RPP14: variants seen among roughly 807,000 people sequenced by gnomAD.
RPP14 encodes ribonuclease P protein subunit p14.
Under a neutral mutation model 17.8 loss-of-function variants are expected in RPP14, and 19 were observed. That is an observed-to-expected ratio of 1.07 (90% CI 0.74 to 1.57). The LOEUF (loss-of-function observed/expected upper bound fraction) is 1.57, where lower values mean the gene tolerates loss of function less well. Among genes scored for constraint, RPP14 ranks in the 40% most tolerant of loss-of-function variants. The pLI, the probability that RPP14 is intolerant of heterozygous loss-of-function variation, is 0.00. For synonymous variants in RPP14, 60 were observed against 56.4 expected (o/e 1.06, Z -0.29); for missense variants, 125 against 140.8 (o/e 0.89, Z 0.57).
intron 1 of RPP14, chr3:58,308,074 C>T (rs966259064): frequency 6.6e-6 from 1 of 151,586 alleles, no homozygotes; most frequent in Non-Finnish European, 1.5e-5. Context: ...CACTAAAAAA[C>T]ATTTATGTGC....
chr3:58,309,040 C>T (rs1196987124), intron 1 of RPP14, among the ~76,000 whole-genome samples: 1 of 152,202 alleles, frequency 6.6e-6, no homozygotes, highest in Non-Finnish European at 1.5e-5. Flanking sequence ...TCTTCTCAAC[C>T]CCTGTGCTGT....
chr3:58,317,558 A>T lies in RPP14; in HGVS notation c.*62A>T, dbSNP rs1465371571. On this transcript the variant is annotated 3_prime_UTR_variant, in exon 6 of 6. Transcript: ENST00000295959. ...CTCATATTTATTTTTTGGTGCCTGCATGTTTGAAGACTGAAGCAGGCTAAA... is the reference window on the plus strand; with the variant it reads ...CTCATATTTATTTTTTGGTGCCTGCTTGTTTGAAGACTGAAGCAGGCTAAA... The T allele has an allele frequency of 9.0e-7, 1 of 1,109,300 alleles. No homozygotes were observed. The highest frequency in any genetic ancestry group is 1.8e-5 in the Admixed American group (1 of 54,550). The allele number at this position is 1,109,300 out of a possible 1,614,324, so 68.7% of individuals were successfully genotyped here. A position where few individuals can be genotyped will look rare whatever the true frequency, so the allele number is the denominator to read the frequency against.
intron 3 of RPP14, among the ~76,000 whole-genome samples, chr3:58,313,093 C>G (rs2097484153): frequency 6.6e-6 from 1 of 151,710 alleles, no homozygotes; most frequent in Non-Finnish European, 1.5e-5. Context: ...GAAACCCTGT[C>G]TCTACTAAAA....
chr3:58,317,691 G>C lies in RPP14; in HGVS notation c.*195G>C. On this transcript the variant is annotated 3_prime_UTR_variant, in exon 6 of 6. Transcript: ENST00000295959. ...CAGTCTGTCTGAACCTGCCAGTGCTGACCCTGCAGCACTTTCAGCATATGC... is the reference window on the plus strand; with the variant it reads ...CAGTCTGTCTGAACCTGCCAGTGCTCACCCTGCAGCACTTTCAGCATATGC... The C allele has an allele frequency of 1.4e-6, 1 of 704,690 alleles. No individual in the cohort carries two copies. The highest frequency in any genetic ancestry group is 1.5e-5 in the South Asian group (1 of 67,686). 43.7% of individuals were successfully genotyped at this position (704,690 alleles called of 1,614,324 possible).
Position 58,317,004 on chromosome 3 carries a change from T to C in RPP14, c.318+11T>C, listed in dbSNP as rs1196046191. Reference sequence around the variant, plus strand: ...TTCCGGGTGATTCAGGTAAAGACTATTCCCTCACATATTCCAAACAAGACT... The same window carrying C: ...TTCCGGGTGATTCAGGTAAAGACTACTCCCTCACATATTCCAAACAAGACT... On this transcript the variant is annotated intron_variant, in intron 5 of 5. Coordinates refer to ENST00000295959, the MANE Select transcript of RPP14 (RefSeq NM_007042.6). 4 of 1,597,140 alleles carry C rather than the reference T, an allele frequency of 2.5e-6. No homozygotes were observed. In the South Asian group the frequency reaches 4.4e-5, roughly 18 times the overall value.
At chr3:58,311,389 A>C (rs552167137) in intron 3 of RPP14, among the ~76,000 whole-genome samples, 32 of 152,302 alleles carry the variant, frequency 2.1e-4, no homozygotes, top group African/African-American at 7.7e-4. Flanking sequence ...TCCTGACCTC[A>C]GGTGATCCAC....
chr3:58,307,492 A>T (rs2097476761), intron 1 of RPP14, among the ~76,000 whole-genome samples: 1 of 152,180 alleles, frequency 6.6e-6, no homozygotes, highest in Non-Finnish European at 1.5e-5. Flanking sequence ...GAGGGGGCCG[A>T]GGTCGGCGGA....
chr3:58,316,711 AT>A, intron 4 of RPP14, 120 bp downstream of exon 4: 1 of 989,856 alleles, frequency 1.0e-6, no homozygotes, highest in East Asian at 2.5e-5. Flanking sequence ...GCTTTTGGGA[AT>A]TTAAACTGGG....
chr3:58,307,923 T>G (rs1322241755), intron 1 of RPP14: 1 of 151,850 alleles, frequency 6.6e-6, no homozygotes, highest in African/African-American at 2.4e-5. Context: ...GTAAGTAGCA[T>G]TGAGTACATT....
intron 1 of RPP14, among the ~76,000 whole-genome samples, chr3:58,307,043 G>T (rs1380562019): frequency 6.6e-6 from 1 of 152,234 alleles, no homozygotes; most frequent in Non-Finnish European, 1.5e-5. Context: ...TCCGGTGGCT[G>T]CCTGGAGGAA....
In RPP14 at chr3:58,316,584, T is replaced by C; in HGVS notation, c.232T>C (p.Cys78Arg). The change falls in exon 4 of 6, where the codon TGT becomes CGT. Residue 78 changes from cysteine (C) to arginine (R), a missense_variant. Physicochemically the swap from Cys to Arg is radical, Grantham distance 180 (BLOSUM62 -3). Coordinates refer to ENST00000295959, the MANE Select transcript of RPP14 (RefSeq NM_007042.6). ...EKTLSAILRI[C>R]SSGLVKLWSS... is the part of the protein sequence containing the mutation. The stretch of plus-strand genomic sequence containing the variant: ...GACCTTGTCAGCCATCTTGAGAATA[T>C]GTAGCAGGTATGACAGAGAGTGGGA... The C allele has an allele frequency of 1.2e-6, 2 of 1,613,724 alleles. No individual in the cohort carries two copies. Among genetic ancestry groups the C allele is most frequent in the South Asian group, 2.2e-5 (2 of 91,072 alleles).
intron 1 of RPP14, chr3:58,310,002 C>G (rs1387360473): frequency 4.1e-6 from 1 of 243,620 alleles, no homozygotes; most frequent in Non-Finnish European, 8.0e-6. Context: ...GAGTTTGAAA[C>G]CAGCCTGGGC....
chr3:58,311,136 T>G (rs940625271), intron 3 of RPP14, among the ~76,000 whole-genome samples: 3 of 150,110 alleles, frequency 2.0e-5, no homozygotes, highest in Non-Finnish European at 4.4e-5. Flanking sequence ...AAATCTACTT[T>G]TTGTTGTTGT....
At position 58,317,931 on chromosome 3, in the gene RPP14, ATTTC is replaced by A. The variant is rs1303222868; in HGVS notation, c.*440_*443del. On this transcript the variant is annotated 3_prime_UTR_variant, in exon 6 of 6. Transcript: ENST00000295959. ...CTAAAATGCCAGGGCCAGGCTGTGT[ATTTC>A]TTTCCCAGGAAATTAGCTTTCCAGC... 4.3e-6 allele frequency: 3 copies of A among 702,776 alleles called. No homozygotes were observed. In the African/African-American group the frequency reaches 5.2e-5, roughly 12 times the overall value. 43.5% of individuals were successfully genotyped at this position (702,776 alleles called of 1,614,324 possible). A position where few individuals can be genotyped will look rare whatever the true frequency, so the allele number is the denominator to read the frequency against.
chr3:58,314,894 C>T (rs1424322104), intron 3 of RPP14, among the ~76,000 whole-genome samples: 1 of 151,898 alleles, frequency 6.6e-6, no homozygotes, highest in Non-Finnish European at 1.5e-5. Context: ...ACCATGTTGA[C>T]CAGGATGGTC....
At position 58,317,857 on chromosome 3, in the gene RPP14, A is replaced by G. The variant is rs556885667; in HGVS notation, c.*361A>G. 2.1e-4 allele frequency: 146 copies of G among 703,048 alleles called. No individual in the cohort carries two copies. The highest frequency in any genetic ancestry group is 1.8e-3 in the South Asian group (120 of 67,608). 43.6% of individuals were successfully genotyped at this position (703,048 alleles called of 1,614,324 possible). A position where few individuals can be genotyped will look rare whatever the true frequency, so the allele number is the denominator to read the frequency against. ...AAAACACACCAAGTTTGGAAATACA[A>G]TTGTACATGGAGTTTTGATCAACGG... On this transcript the variant is annotated 3_prime_UTR_variant, in exon 6 of 6. Transcript: ENST00000295959.
intron 3 of RPP14, among the ~76,000 whole-genome samples, chr3:58,312,495 A>G (rs2097483429): frequency 1.3e-5 from 2 of 152,270 alleles, no homozygotes; most frequent in Admixed American, 1.3e-4. Flanking sequence ...TTCAGAAGTG[A>G]TGAATTTTGT....
At chr3:58,313,803 G>A (rs902666098) in intron 3 of RPP14, among the ~76,000 whole-genome samples, 1 of 152,206 alleles carries the variant, frequency 6.6e-6, no homozygotes, top group East Asian at 1.9e-4. Flanking sequence ...TGGGGGTAGG[G>A]GTGGGAAAGG....
chr3:58,312,574 G>T (rs1466345527), intron 3 of RPP14, among the ~76,000 whole-genome samples: 1 of 152,164 alleles, frequency 6.6e-6, no homozygotes. Flanking sequence ...GTAGCACAGT[G>T]CTACTCAAAG....
Sources: gnomAD v4.1 joint callset for allele counts (sites outside exome capture counted in the v4.1 genomes callset) on GRCh38, gnomAD v4.1.1 for gene constraint, MANE v1.5 for transcripts, NCBI Gene and HGNC (gene_info 2026-07-23, HGNC 2026-07-21) for gene names.